The following CHST9 variants were observed in gnomAD, a reference collection of about 807,000 sequenced individuals.
The protein encoded by CHST9 is carbohydrate sulfotransferase 9, also known as GalNAc-4-sulfotransferase 2.
Under a neutral mutation model 44.4 loss-of-function variants are expected in CHST9, and 41 were observed. The observed-to-expected ratio is 0.92, with a 90% CI of 0.72 to 1.20. The LOEUF is 1.20. CHST9 is among the 50% of genes most tolerant of loss of function. The pLI, the probability that CHST9 is intolerant of heterozygous loss-of-function variation, is 0.00. For synonymous variants in CHST9, 171 were observed against 178.4 expected (o/e 0.96, Z 0.33); for missense variants, 504 against 516.5 (o/e 0.98, Z 0.23).
intron 1 of CHST9, among the ~76,000 whole-genome samples, chr18:27,179,268 T>C (rs1180671478): frequency 6.6e-6 from 1 of 151,920 alleles, no homozygotes; most frequent in Admixed American, 6.6e-5. Flanking sequence ...CCAGAAGAAG[T>C]GAATTTTTAC....
At chr18:27,156,597 A>C (rs1452614228) in intron 1 of CHST9, among the ~76,000 whole-genome samples, 1 of 152,148 alleles carries the variant, frequency 6.6e-6, no homozygotes, top group Non-Finnish European at 1.5e-5. Context: ...AAGATTTTAA[A>C]AAGCTTCATA....
At chr18:26,971,710 G>A (rs1352792565) in intron 4 of CHST9, among the ~76,000 whole-genome samples, 1 of 152,164 alleles carries the variant, frequency 6.6e-6, no homozygotes, top group African/African-American at 2.4e-5. Context: ...CATCCCTTCT[G>A]CTCACTTTCT....
At chr18:27,170,389 G>A (rs1435803842) in intron 1 of CHST9, among the ~76,000 whole-genome samples, 5 of 152,118 alleles carry the variant, frequency 3.3e-5, no homozygotes. Flanking sequence ...TGATCCTCAC[G>A]GAATTGTGTC....
intron 2 of CHST9, among the ~76,000 whole-genome samples, chr18:27,126,806 G>A (rs763747695): frequency 1.3e-5 from 2 of 152,126 alleles, no homozygotes; most frequent in African/African-American, 2.4e-5. Flanking sequence ...GCAAGGTCAC[G>A]GGATGGGGAG....
intron 1 of CHST9, among the ~76,000 whole-genome samples, chr18:27,155,429 C>A (rs1389145454): frequency 6.6e-6 from 1 of 152,056 alleles, no homozygotes; most frequent in Non-Finnish European, 1.5e-5. Flanking sequence ...CCTATTAGGC[C>A]CAGATATGAT....
chr18:27,037,180 T>C (rs976326853), intron 3 of CHST9, among the ~76,000 whole-genome samples: 1 of 152,190 alleles, frequency 6.6e-6, no homozygotes, highest in African/African-American at 2.4e-5. Context: ...GTTTACATTT[T>C]TTTCCAGCAA....
chr18:27,133,746 G>A (rs891112287), intron 2 of CHST9, among the ~76,000 whole-genome samples: 1 of 152,166 alleles, frequency 6.6e-6, no homozygotes, highest in Non-Finnish European at 1.5e-5. Flanking sequence ...TACATAGGAT[G>A]TTTGGGGAAG....
chr18:26,934,234 T>C (rs2055935703), intron 5 of CHST9: 1 of 151,948 alleles, frequency 6.6e-6, no homozygotes, highest in African/African-American at 2.4e-5. Context: ...ATTTTCTTTC[T>C]TTCTTTTTTT....
At chr18:26,979,229 G>A (rs138835408) in intron 4 of CHST9, among the ~76,000 whole-genome samples, 22 of 151,996 alleles carry the variant, frequency 1.4e-4, no homozygotes, top group Admixed American at 3.3e-4. Context: ...TCTTTCTTTC[G>A]TTTTACAAAT....
intron 2 of CHST9, among the ~76,000 whole-genome samples, chr18:27,110,184 T>G (rs1434909598): frequency 3.3e-5 from 5 of 152,082 alleles, no homozygotes; most frequent in Non-Finnish European, 2.9e-5. Flanking sequence ...GAAAAAAGGT[T>G]TGTTTTGCCA....
At chr18:27,174,468 G>T (rs2058853625) in intron 1 of CHST9, among the ~76,000 whole-genome samples, 1 of 151,942 alleles carries the variant, frequency 6.6e-6, no homozygotes, top group Non-Finnish European at 1.5e-5. Flanking sequence ...TACTTCTAGT[G>T]ATGTCAAGTC....
At chr18:26,983,766 T>G (rs1315853033) in intron 4 of CHST9, among the ~76,000 whole-genome samples, 1 of 152,158 alleles carries the variant, frequency 6.6e-6, no homozygotes, top group Non-Finnish European at 1.5e-5. Context: ...GAACCACACT[T>G]TGAAAACCAC....
intron 4 of CHST9, among the ~76,000 whole-genome samples, chr18:26,963,732 T>C (rs2056429693): frequency 6.6e-6 from 1 of 152,176 alleles, no homozygotes. Flanking sequence ...TTCATTTTAG[T>C]AGCCATGTGA....
At chr18:27,127,587 G>T (rs2058435407) in intron 2 of CHST9, among the ~76,000 whole-genome samples, 1 of 151,140 alleles carries the variant, frequency 6.6e-6, no homozygotes, top group African/African-American at 2.4e-5. Flanking sequence ...GAGGAGGGAA[G>T]AAATAAATTG....
At chr18:27,058,457 A>G (rs1336507544) in intron 2 of CHST9, among the ~76,000 whole-genome samples, 1 of 152,180 alleles carries the variant, frequency 6.6e-6, no homozygotes, top group East Asian at 1.9e-4. Context: ...TAACTTGCTT[A>G]CCCAGTCGGA....
At chr18:26,954,950 G>A (rs550988119) in intron 4 of CHST9, among the ~76,000 whole-genome samples, 1 of 152,054 alleles carries the variant, frequency 6.6e-6, no homozygotes, top group South Asian at 2.1e-4. Context: ...CACCTAGAGT[G>A]TTCAATATAT....
Position 26,917,097 on chromosome 18 carries a change from T to A in CHST9, c.494A>T (p.Asp165Val), listed in dbSNP as rs1459442106. 2 of 1,613,886 alleles carry A rather than the reference T, an allele frequency of 1.2e-6. No individual in the cohort carries two copies. Among genetic ancestry groups the A allele is most frequent in the Non-Finnish European group, 1.7e-6 (2 of 1,179,912 alleles). ...CTCCTCAGTTTTCTTCCATTTATTATCTTTGACTAAACTTTTGTTTAAAGG... is the reference window on the plus strand; with the variant it reads ...CTCCTCAGTTTTCTTCCATTTATTAACTTTGACTAAACTTTTGTTTAAAGG... ...IHPLNKSLVKDNKWKKTEETQ... is the reference protein window; with the variant it reads ...IHPLNKSLVKVNKWKKTEETQ... Residue 165 changes from aspartate (D) to valine (V), a missense_variant, in exon 6 of 6, where the codon GAT becomes GTT. Physicochemically the swap from Asp to Val is radical, Grantham distance 152. Coordinates refer to ENST00000618847, the MANE Select transcript of CHST9 (RefSeq NM_031422.6).
At chr18:27,076,941 A>G (rs764946215) in intron 2 of CHST9, among the ~76,000 whole-genome samples, 1 of 152,212 alleles carries the variant, frequency 6.6e-6, no homozygotes, top group African/African-American at 2.4e-5. Context: ...GATCTGTCAA[A>G]TGGACTCGAG....
At chr18:27,157,613 C>T (rs748896953) in intron 1 of CHST9, among the ~76,000 whole-genome samples, 1 of 151,972 alleles carries the variant, frequency 6.6e-6, no homozygotes, top group South Asian at 2.1e-4. Flanking sequence ...TGACAAGAAA[C>T]GTATAGGAAG....
Sources: allele counts gnomAD v4.1 joint callset (sites outside exome capture counted in the v4.1 genomes callset), GRCh38; gene constraint gnomAD v4.1.1; transcripts MANE v1.5; gene names NCBI Gene and HGNC (gene_info 2026-07-23, HGNC 2026-07-21).